GALNT14: variants seen among roughly 807,000 people sequenced by gnomAD.
GALNT14 encodes UDP-GalNAc:polypeptide N-acetylgalactosaminyltransferase 14.
A neutral mutation model predicts 77.5 loss-of-function variants in GALNT14; 60 were observed. The ratio of observed to expected loss-of-function variants is 0.77; its 90% CI spans 0.63 to 0.96. GALNT14 has a LOEUF of 0.96. Among genes scored for constraint, GALNT14 ranks in the 40% least tolerant of loss-of-function variants. The probability of loss-of-function intolerance (pLI) is 0.00; values close to 1 mark genes in which losing one functional copy is unlikely to be tolerated. For synonymous variants in GALNT14, 280 were observed against 281.7 expected, an observed-to-expected ratio of 0.99 and a Z score of 0.06; for missense variants, 710 against 731.0, an observed-to-expected ratio of 0.97 and a Z score of 0.33.
rs536877322 is a variant in GALNT14 at position 31,103,528 on chromosome 2, C to A, written c.129+34430G>T. Among the ~76,000 whole-genome samples the A allele has an allele frequency of 1.1e-4, 14 of 127,844 alleles. No homozygotes were observed. The East Asian group carries it at 2.5e-3, about 23-fold the overall frequency. The allele number at this position is 127,844 out of a possible 152,430, so 83.9% of individuals were successfully genotyped here. ...ACACACATTACATAGCCCCTAGGCA[C>A]AATTTACTCTGGCAATGCTACTGTC... is the stretch of plus-strand genomic sequence containing the variant. On this transcript the variant is annotated intron_variant, in intron 1 of 14. Coordinates refer to ENST00000349752, the MANE Select transcript of GALNT14 (RefSeq NM_024572.4).
the GALNT14 span, among the ~76,000 whole-genome samples, chr2:30,901,089 T>C: frequency 2.0e-5 from 3 of 152,200 alleles, no homozygotes; most frequent in Admixed American, 6.5e-5. Flanking sequence ...GAAATCAATG[T>C]ATAAGTCCAT....
chr2:30,896,082 A>C, the GALNT14 span, among the ~76,000 whole-genome samples: 1 of 152,208 alleles, frequency 6.6e-6, no homozygotes, highest in Admixed American at 6.5e-5. Flanking sequence ...TCTATCTGGA[A>C]TACTGCTCGC....
At chr2:31,020,259 T>C (rs1037102942) in intron 1 of GALNT14, among the ~76,000 whole-genome samples, 3 of 152,164 alleles carry the variant, frequency 2.0e-5, no homozygotes, top group Non-Finnish European at 4.4e-5. Context: ...TTAATTATGT[T>C]CATTAAAAGG....
At chr2:31,112,088 T>C (rs1312811998) in intron 1 of GALNT14, among the ~76,000 whole-genome samples, 1 of 150,638 alleles carries the variant, frequency 6.6e-6, no homozygotes, top group African/African-American at 2.4e-5. Context: ...GCCAATGCCA[T>C]AAAAAACTGT....
At chr2:31,116,043 G>C (rs1449994061) in intron 1 of GALNT14, among the ~76,000 whole-genome samples, 5 of 152,076 alleles carry the variant, frequency 3.3e-5, no homozygotes, top group African/African-American at 1.2e-4. Flanking sequence ...TTATTAGGAT[G>C]ATAATGAATG....
At chr2:31,068,373 G>C (rs577384612) in intron 1 of GALNT14, among the ~76,000 whole-genome samples, 1 of 152,136 alleles carries the variant, frequency 6.6e-6, no homozygotes, top group South Asian at 2.1e-4. Context: ...TGTAATCCCA[G>C]CTATTCAGGA....
chr2:30,923,991 T>A (rs1665194619), intron 13 of GALNT14, 128 bp downstream of exon 13: 2 of 1,036,082 alleles, frequency 1.9e-6, no homozygotes, highest in South Asian at 2.9e-5. Context: ...CCTCTCATGC[T>A]CCACTACCGA....
chr2:30,986,605 T>G (rs1249336980), intron 2 of GALNT14, among the ~76,000 whole-genome samples: 3 of 152,204 alleles, frequency 2.0e-5, no homozygotes, highest in Non-Finnish European at 4.4e-5. Context: ...AAAATGTAAT[T>G]GTGGTTTTTT....
chr2:31,081,366 A>C (rs940866668), intron 1 of GALNT14, among the ~76,000 whole-genome samples: 1 of 152,252 alleles, frequency 6.6e-6, no homozygotes, highest in African/African-American at 2.4e-5. Flanking sequence ...GATTCAGTCT[A>C]AACTTGGAAA....
intron 1 of GALNT14, among the ~76,000 whole-genome samples, chr2:30,999,970 T>C (rs1387856607): frequency 6.6e-6 from 1 of 152,176 alleles, no homozygotes; most frequent in Non-Finnish European, 1.5e-5. Context: ...TCTCACCGGT[T>C]GGAGCCACAC....
intron 1 of GALNT14, among the ~76,000 whole-genome samples, chr2:31,090,671 G>A (rs533355401): frequency 1.1e-4 from 16 of 151,660 alleles, no homozygotes; most frequent in Non-Finnish European, 1.8e-4. Flanking sequence ...TAGTAGAGAC[G>A]GGGTTTCGCC....
intron 1 of GALNT14, among the ~76,000 whole-genome samples, chr2:31,114,112 AC>A (rs1436909998): frequency 6.6e-6 from 1 of 152,106 alleles, no homozygotes; most frequent in African/African-American, 2.4e-5. Context: ...CTCTGACCTA[AC>A]TGCACCAGAA....
intron 1 of GALNT14, among the ~76,000 whole-genome samples, chr2:31,104,613 T>C (rs1285188540): frequency 2.0e-5 from 3 of 152,188 alleles, no homozygotes; most frequent in Non-Finnish European, 2.9e-5. Context: ...CTCTCATCAG[T>C]CTCATCCAGT....
intron 2 of GALNT14, among the ~76,000 whole-genome samples, chr2:30,987,695 A>G (rs1669387349): frequency 6.9e-6 from 1 of 144,748 alleles, no homozygotes; most frequent in South Asian, 2.2e-4. Context: ...AAACTTCTAC[A>G]GCCTTCCTCC....
chr2:31,104,160 T>A (rs1342679794), intron 1 of GALNT14, among the ~76,000 whole-genome samples: 1 of 152,174 alleles, frequency 6.6e-6, no homozygotes, highest in East Asian at 1.9e-4. Flanking sequence ...GGATTCCCAA[T>A]GGAGTCTTTC....
At chr2:31,080,310 T>C (rs753487539) in intron 1 of GALNT14, among the ~76,000 whole-genome samples, 35 of 152,218 alleles carry the variant, frequency 2.3e-4, no homozygotes, top group Non-Finnish European at 3.8e-4. Flanking sequence ...ATTTTAGATA[T>C]GTAATGAATA....
At chr2:31,124,266 C>T (rs781140393) in intron 1 of GALNT14, among the ~76,000 whole-genome samples, 3 of 152,196 alleles carry the variant, frequency 2.0e-5, no homozygotes, top group South Asian at 2.1e-4. Context: ...TAGCATCCTA[C>T]GTCCGGTCTT....
At chr2:31,122,371 C>G (rs1036785157) in intron 1 of GALNT14, among the ~76,000 whole-genome samples, 48 of 152,226 alleles carry the variant, frequency 3.2e-4, no homozygotes, top group African/African-American at 1.1e-3. Context: ...AATCCCCATC[C>G]CCACATGGGG....
chr2:31,129,917 G>A (rs368441471), intron 1 of GALNT14, among the ~76,000 whole-genome samples: 1 of 152,148 alleles, frequency 6.6e-6, no homozygotes, highest in Non-Finnish European at 1.5e-5. Flanking sequence ...GATGTTTCAG[G>A]CTCTCTCCTT....
Sources: allele counts gnomAD v4.1 joint callset (sites outside exome capture counted in the v4.1 genomes callset), GRCh38; gene constraint gnomAD v4.1.1; transcripts MANE v1.5; gene names NCBI Gene and HGNC (gene_info 2026-07-23, HGNC 2026-07-21).